Variants in STPG2 observed in about 807,000 individuals in gnomAD.
STPG2 encodes sperm tail PG-rich repeat containing 2, also known as sperm-tail PG-rich repeat-containing protein 2.
Under a neutral mutation model 54.2 loss-of-function variants are expected in STPG2, and 56 were observed. The observed-to-expected ratio is 1.03, with a 90% CI of 0.83 to 1.29. STPG2 has a LOEUF of 1.29. Among genes scored for constraint, STPG2 ranks in the 50% most tolerant of loss-of-function variants. The pLI, the probability that STPG2 is intolerant of heterozygous loss-of-function variation, is 0.00. For missense variants in STPG2, 596 were observed against 544.9 expected, an observed-to-expected ratio of 1.09 and a Z score of -0.93; for synonymous variants, 200 against 181.8, an observed-to-expected ratio of 1.10 and a Z score of -0.81.
intron 4 of STPG2, among the ~76,000 whole-genome samples, chr4:97,543,787 G>T (rs114903689): frequency 6.6e-6 from 1 of 151,908 alleles, no homozygotes; most frequent in Non-Finnish European, 1.5e-5. Flanking sequence ...GTCTTTTTGA[G>T]AGCATAAATA....
At chr4:97,713,611 G>A (rs1362326661) in intron 9 of STPG2, among the ~76,000 whole-genome samples, 3 of 152,184 alleles carry the variant, frequency 2.0e-5, no homozygotes, top group African/African-American at 7.2e-5. Context: ...TGCATGTGCA[G>A]TTCAGGATAG....
chr4:97,988,722 C>T (rs1396500591), intron 5 of STPG2, among the ~76,000 whole-genome samples: 1 of 152,186 alleles, frequency 6.6e-6, no homozygotes, highest in Non-Finnish European at 1.5e-5. Flanking sequence ...TCCTCCAACC[C>T]AGCCTCCTGA....
At chr4:98,120,595 A>C (rs1045117646) in intron 3 of STPG2, among the ~76,000 whole-genome samples, 8 of 152,124 alleles carry the variant, frequency 5.3e-5, no homozygotes, top group Non-Finnish European at 7.4e-5. Flanking sequence ...ACTTTTTAAT[A>C]ATCGCCATTC....
intron 5 of STPG2, among the ~76,000 whole-genome samples, chr4:98,100,377 T>G (rs867534969): frequency 1.3e-5 from 2 of 152,104 alleles, no homozygotes; most frequent in Non-Finnish European, 2.9e-5. Flanking sequence ...ATAATATTAT[T>G]CAAATTAATC....
At chr4:97,462,080 C>G (rs1464337569) in intron 4 of STPG2, among the ~76,000 whole-genome samples, 1 of 150,254 alleles carries the variant, frequency 6.7e-6, no homozygotes, top group Non-Finnish European at 1.5e-5. Context: ...ATTTTTTTTT[C>G]ATTCTTAGAT....
At chr4:97,955,478 G>T (rs969593059) in intron 7 of STPG2, among the ~76,000 whole-genome samples, 1 of 152,112 alleles carries the variant, frequency 6.6e-6, no homozygotes, top group Admixed American at 6.6e-5. Context: ...GCCTCCCAAA[G>T]GGCTGGGATT....
chr4:97,867,522 T>C (rs1729835217), intron 8 of STPG2, among the ~76,000 whole-genome samples: 1 of 152,082 alleles, frequency 6.6e-6, no homozygotes, highest in Admixed American at 6.6e-5. Context: ...TTTAGGAACT[T>C]ACTTCAAATC....
At chr4:98,092,941 G>A (rs1400338884) in intron 5 of STPG2, among the ~76,000 whole-genome samples, 6 of 152,006 alleles carry the variant, frequency 3.9e-5, no homozygotes, top group African/African-American at 1.2e-4. Flanking sequence ...GCAAATTTTC[G>A]TATCTTGCCA....
At chr4:98,111,776 G>A (rs1739368193) in intron 3 of STPG2, among the ~76,000 whole-genome samples, 1 of 152,114 alleles carries the variant, frequency 6.6e-6, no homozygotes, top group African/African-American at 2.4e-5. Flanking sequence ...CTCACCCAAT[G>A]TCGTGGGCAC....
chr4:97,827,110 G>C (rs1172151861), intron 9 of STPG2, among the ~76,000 whole-genome samples: 1 of 152,154 alleles, frequency 6.6e-6, no homozygotes, highest in Non-Finnish European at 1.5e-5. Context: ...ACATCAAACA[G>C]GGGTTAAACT....
rs556979436 is a variant in STPG2, at chr4:98,019,484, T to G, written c.613-38166A>C. Reference sequence around the variant, plus strand: ...CGGGTTTATTCTTTTGGCTTAGGATTGACTTGGCGATGCGGGCTCTTTTTT... The same window carrying G: ...CGGGTTTATTCTTTTGGCTTAGGATGGACTTGGCGATGCGGGCTCTTTTTT... On this transcript the variant is annotated intron_variant, in intron 5 of 10. Transcript: ENST00000295268. 1.6e-4 allele frequency among the ~76,000 whole-genome samples: 25 copies of G among 152,108 alleles called. No individual in the cohort carries two copies. In the South Asian group the frequency reaches 5.2e-3, roughly 32 times the overall value.
chr4:97,545,147 G>A (rs976818855), intron 4 of STPG2, among the ~76,000 whole-genome samples: 2 of 152,214 alleles, frequency 1.3e-5, no homozygotes, highest in South Asian at 4.1e-4. Flanking sequence ...GAGAAGTAAA[G>A]CTTGGACAAC....
chr4:97,529,613 G>T lies in STPG2; in HGVS notation c.462+183086C>A, dbSNP rs140136966. On this transcript the variant is annotated intron_variant, in intron 4 of 4. Transcript: ENST00000522676. ...TTCGGCTATGAATCCATCTGCTACT[G>T]GGCTTTTCTGGTTGGTAGGCTATTA... is the stretch of plus-strand genomic sequence containing the variant. Among the ~76,000 whole-genome samples, 498 of 152,198 alleles carry T rather than the reference G, an allele frequency of 3.3e-3. 1 individual carries two copies. The highest frequency in any genetic ancestry group is 0.011 in the African/African-American group (470 of 41,538).
At chr4:97,979,440 G>A (rs1734598041) in intron 6 of STPG2, among the ~76,000 whole-genome samples, 1 of 152,116 alleles carries the variant, frequency 6.6e-6, no homozygotes, top group Admixed American at 6.5e-5. Context: ...TCCTGAACAG[G>A]AGTGTCTGAT....
At position 97,872,501 on chromosome 4, in the gene STPG2, A is replaced by G. The variant is rs377007818; in HGVS notation, c.1045-31569T>C. On this transcript the variant is annotated intron_variant, in intron 8 of 10. Transcript: ENST00000295268. Reference sequence around the variant, plus strand: ...TTATTAATTAGAAGACACTCTAAGTAGAAAACCCCTATGTATAATAACAAC... The same window carrying G: ...TTATTAATTAGAAGACACTCTAAGTGGAAAACCCCTATGTATAATAACAAC... Among the ~76,000 whole-genome samples, 14 of 151,430 alleles carry G rather than the reference A, an allele frequency of 9.2e-5. No homozygotes were observed. The East Asian group carries it at 2.7e-3, about 29-fold the overall frequency.
At chr4:97,942,024 G>A (rs908470759) in intron 8 of STPG2, among the ~76,000 whole-genome samples, 2 of 151,810 alleles carry the variant, frequency 1.3e-5, no homozygotes, top group Non-Finnish European at 2.9e-5. Context: ...TGTAAATTAA[G>A]TCAAAAATAT....
Position 97,454,581 on chromosome 4 carries a change from C to G in STPG2, c.462+258118G>C, listed in dbSNP as rs139648990. Among the ~76,000 whole-genome samples the G allele has an allele frequency of 6.8e-3, 859 of 126,232 alleles. 4 individuals carry two copies. The highest frequency in any genetic ancestry group is 0.026 in the South Asian group (90 of 3,516). 82.8% of individuals were successfully genotyped at this position (126,232 alleles called of 152,430 possible). ...AAGAAAAGGGATTCAAAAGTTGCCACTACTGGAATAATCAGTTTTGTATTT... is the reference window on the plus strand; with the variant it reads ...AAGAAAAGGGATTCAAAAGTTGCCAGTACTGGAATAATCAGTTTTGTATTT... On this transcript the variant is annotated intron_variant, in intron 4 of 4. Coordinates refer to the STPG2 transcript ENST00000522676.
chr4:97,915,188 G>A (rs951757809), intron 8 of STPG2, among the ~76,000 whole-genome samples: 3 of 152,144 alleles, frequency 2.0e-5, no homozygotes, highest in African/African-American at 7.2e-5. Context: ...GGGAAGTACT[G>A]TGGGAAGTAC....
At chr4:97,442,023 T>A (rs1160239067) in intron 4 of STPG2, among the ~76,000 whole-genome samples, 1 of 152,040 alleles carries the variant, frequency 6.6e-6, no homozygotes. Flanking sequence ...TTAGAGGCTC[T>A]ACTAGATATT....
Sources: allele counts gnomAD v4.1 joint callset (sites outside exome capture counted in the v4.1 genomes callset), GRCh38; gene constraint gnomAD v4.1.1; transcripts MANE v1.5; gene names NCBI Gene and HGNC (gene_info 2026-07-23, HGNC 2026-07-21).